Variants in SUPT3H observed in about 807,000 individuals in gnomAD.
The protein encoded by SUPT3H is transcription initiation protein SPT3 homolog.
A neutral mutation model predicts 44.3 loss-of-function variants in SUPT3H; 44 were observed. The observed-to-expected ratio is 0.99, with a 90% CI of 0.78 to 1.28. The LOEUF (loss-of-function observed/expected upper bound fraction) is 1.28. Ranked by LOEUF, SUPT3H falls within the 50% of genes most tolerant of loss-of-function variation. The pLI is 0.00. For synonymous variants in SUPT3H, 124 were observed against 125.6 expected, an observed-to-expected ratio of 0.99 and a Z score of 0.09; for missense variants, 380 against 387.1, an observed-to-expected ratio of 0.98 and a Z score of 0.15.
At chr6:45,362,877 A>C (rs1487974150) in intron 2 of SUPT3H, among the ~76,000 whole-genome samples, 2 of 152,160 alleles carry the variant, frequency 1.3e-5, no homozygotes, top group Non-Finnish European at 2.9e-5. Context: ...CATCAAATGC[A>C]CTAAATAGAA....
At chr6:45,112,962 CT>C (rs11330704) in intron 2 of SUPT3H, among the ~76,000 whole-genome samples, 116,475 of 138,328 alleles carry the variant, frequency 0.84, 49,088 homozygotes, top group African/African-American at 0.9. Flanking sequence ...GAGCTAGTCA[CT>C]TTTTTTTTTT....
intron 2 of SUPT3H, among the ~76,000 whole-genome samples, chr6:45,307,345 T>C (rs1783202148): frequency 6.6e-6 from 1 of 152,054 alleles, no homozygotes; most frequent in African/African-American, 2.4e-5. Flanking sequence ...GACACCCGAG[T>C]AGCCTAACTG....
intron 2 of SUPT3H, among the ~76,000 whole-genome samples, chr6:45,132,418 T>C (rs1321211868): frequency 6.6e-6 from 1 of 152,194 alleles, no homozygotes; most frequent in Non-Finnish European, 1.5e-5. Context: ...TCCCTACTGC[T>C]TGATAACCTA....
At chr6:45,270,525 C>T (rs1179146957) in intron 2 of SUPT3H, among the ~76,000 whole-genome samples, 1 of 152,192 alleles carries the variant, frequency 6.6e-6, no homozygotes, top group Non-Finnish European at 1.5e-5. Flanking sequence ...TGCAGCCAAC[C>T]ATGTAGCACG....
chr6:45,205,246 A>G (rs1023689817), intron 2 of SUPT3H, among the ~76,000 whole-genome samples: 1 of 152,192 alleles, frequency 6.6e-6, no homozygotes, highest in Admixed American at 6.5e-5. Context: ...TTACACTTCT[A>G]TCTACAGATG....
chr6:44,857,808 T>C (rs1773988036), intron 10 of SUPT3H, among the ~76,000 whole-genome samples: 1 of 152,192 alleles, frequency 6.6e-6, no homozygotes, highest in South Asian at 2.1e-4. Flanking sequence ...TTGATCACAT[T>C]GGTAAAAATC....
intron 2 of SUPT3H, among the ~76,000 whole-genome samples, chr6:45,230,684 A>ATATATATATATATATG (rs1554294700): frequency 8.9e-5 from 9 of 101,084 alleles, no homozygotes; most frequent in African/African-American, 3.6e-4. Flanking sequence ...ATATATATAT[A>ATATATATATATATATG]TATTTTTGAG....
chr6:45,187,672 A>C (rs1373447655), intron 2 of SUPT3H, among the ~76,000 whole-genome samples: 1 of 152,220 alleles, frequency 6.6e-6, no homozygotes, highest in Non-Finnish European at 1.5e-5. Flanking sequence ...GAAACACCTG[A>C]TTTTATAACT....
At chr6:45,009,961 G>A (rs1358801384) in intron 5 of SUPT3H, among the ~76,000 whole-genome samples, 1 of 141,450 alleles carries the variant, frequency 7.1e-6, no homozygotes, top group Non-Finnish European at 1.5e-5. Context: ...AATACTGAAT[G>A]TTCCAATCCA....
At chr6:45,150,064 T>A (rs115587606) in intron 2 of SUPT3H, among the ~76,000 whole-genome samples, 1 of 152,150 alleles carries the variant, frequency 6.6e-6, no homozygotes, top group African/African-American at 2.4e-5. Flanking sequence ...CTCCTCAGAA[T>A]GGTTACAAAT....
At chr6:44,868,781 C>T (rs1775905492) in intron 10 of SUPT3H, among the ~76,000 whole-genome samples, 1 of 152,206 alleles carries the variant, frequency 6.6e-6, no homozygotes, top group South Asian at 2.1e-4. Context: ...AGACAAACAT[C>T]AGGATAGATT....
chr6:45,038,450 G>C (rs1286090682), intron 3 of SUPT3H, among the ~76,000 whole-genome samples: 1 of 152,140 alleles, frequency 6.6e-6, no homozygotes, highest in Non-Finnish European at 1.5e-5. Context: ...TTCATATTGA[G>C]AGCTATTCAT....
intron 2 of SUPT3H, among the ~76,000 whole-genome samples, chr6:45,249,920 C>G (rs976914648): frequency 6.6e-6 from 1 of 152,152 alleles, no homozygotes; most frequent in Admixed American, 6.5e-5. Context: ...CCCTTCTGCT[C>G]AGCTGCAAAA....
At chr6:45,126,943 T>C (rs556848111) in intron 2 of SUPT3H, among the ~76,000 whole-genome samples, 13 of 152,266 alleles carry the variant, frequency 8.5e-5, no homozygotes, top group Admixed American at 7.9e-4. Context: ...GATCATGAGT[T>C]CTGAAAATTC....
At chr6:45,130,334 T>C (rs1803236188) in intron 2 of SUPT3H, among the ~76,000 whole-genome samples, 2 of 152,352 alleles carry the variant, frequency 1.3e-5, no homozygotes, top group South Asian at 2.1e-4. Context: ...GTCATCCATG[T>C]TGTAACATGT....
chr6:45,042,471 T>C (rs1031192073), intron 3 of SUPT3H, among the ~76,000 whole-genome samples: 2 of 152,174 alleles, frequency 1.3e-5, no homozygotes, highest in Non-Finnish European at 2.9e-5. Flanking sequence ...GGTAAATGCA[T>C]ACCTAGAACA....
intron 2 of SUPT3H, among the ~76,000 whole-genome samples, chr6:45,189,052 T>C (rs1031013476): frequency 1.2e-4 from 19 of 152,292 alleles, no homozygotes; most frequent in East Asian, 1.9e-4. Flanking sequence ...ACCTCCTGCA[T>C]TGGCCTCCCA....
At chr6:44,893,327 C>T (rs376410695) in intron 10 of SUPT3H, among the ~76,000 whole-genome samples, 2 of 152,280 alleles carry the variant, frequency 1.3e-5, no homozygotes, top group East Asian at 1.9e-4. Context: ...GCTGCACCCA[C>T]TAACTCGTCA....
At chr6:44,980,385 A>C (rs1347470932) in intron 6 of SUPT3H, among the ~76,000 whole-genome samples, 1 of 152,176 alleles carries the variant, frequency 6.6e-6, no homozygotes, top group Non-Finnish European at 1.5e-5. Context: ...TAACAAAATG[A>C]CAGTGAAGGA....
Sources: gnomAD v4.1 joint callset for allele counts (sites outside exome capture counted in the v4.1 genomes callset) on GRCh38, gnomAD v4.1.1 for gene constraint, MANE v1.5 for transcripts, NCBI Gene and HGNC (gene_info 2026-07-23, HGNC 2026-07-21) for gene names.